The following CTIF variants were observed in gnomAD, a reference collection of about 807,000 sequenced individuals.
CTIF encodes cap binding complex dependent translation initiation factor, also known as CBP80/20-dependent translation initiation factor.
A neutral mutation model predicts 66.0 loss-of-function variants in CTIF; 21 were observed. That is an observed-to-expected ratio of 0.32 (90% CI 0.23 to 0.46). The LOEUF (loss-of-function observed/expected upper bound fraction) is 0.46, where lower values mean the gene tolerates loss of function less well. Among genes scored for constraint, CTIF ranks in the 20% least tolerant of loss-of-function variants. The pLI is 1.00. For synonymous variants in CTIF, 345 were observed against 326.4 expected, an observed-to-expected ratio of 1.06 and a Z score of -0.62; for missense variants, 739 against 812.7, an observed-to-expected ratio of 0.91 and a Z score of 1.10.
At chr18:48,590,402 G>A (rs1371769887) in intron 1 of CTIF, among the ~76,000 whole-genome samples, 5 of 152,236 alleles carry the variant, frequency 3.3e-5, no homozygotes, top group African/African-American at 1.2e-4. Flanking sequence ...GAGGCCTGTG[G>A]GAAAGGGGGC....
At chr18:48,810,842 T>C (rs907374748) in intron 9 of CTIF, among the ~76,000 whole-genome samples, 2 of 152,000 alleles carry the variant, frequency 1.3e-5, no homozygotes, top group Admixed American at 6.5e-5. Flanking sequence ...TATAATTTTA[T>C]TTAATAATTG....
intron 3 of CTIF, among the ~76,000 whole-genome samples, chr18:48,653,303 GC>G (rs1317511937): frequency 1.3e-5 from 2 of 152,118 alleles, no homozygotes; most frequent in African/African-American, 4.8e-5. Flanking sequence ...AAATCAATGT[GC>G]AAAAATCACA....
chr18:48,621,674 G>A, intron 2 of CTIF: 1 of 298,166 alleles, frequency 3.4e-6, no homozygotes, highest in Non-Finnish European at 6.5e-6. Flanking sequence ...GACTGAGCAG[G>A]GGGCCGTGAC....
At chr18:48,713,546 G>A (rs2092250262) in intron 7 of CTIF, among the ~76,000 whole-genome samples, 1 of 152,122 alleles carries the variant, frequency 6.6e-6, no homozygotes. Context: ...ATTCACCAAT[G>A]TCCGGGTTAG....
chr18:48,563,691 T>G (rs2089214521), intron 1 of CTIF, among the ~76,000 whole-genome samples: 1 of 152,244 alleles, frequency 6.6e-6, no homozygotes, highest in African/African-American at 2.4e-5. Flanking sequence ...AGGCTGGTCT[T>G]GAACTCCTAA....
In CTIF at chr18:48,862,079, A is replaced by G. The variant is rs564942927; in HGVS notation, c.*2520A>G. On this transcript the variant is annotated 3_prime_UTR_variant, in exon 12 of 12. Transcript: ENST00000256413. ...TTTTTTTTTAAAGAAACAACAGTCAAGCCTAAAATTTGAGACCCCGAGGCA... is the reference window on the plus strand; with the variant it reads ...TTTTTTTTTAAAGAAACAACAGTCAGGCCTAAAATTTGAGACCCCGAGGCA... 15 of 151,986 alleles carry G rather than the reference A, an allele frequency of 9.9e-5. No individual in the cohort carries two copies. Among genetic ancestry groups the G allele is most frequent in the African/African-American group, 2.4e-4 (10 of 41,342 alleles). The allele number at this position is 151,986 out of a possible 1,614,324, so 9.4% of individuals were successfully genotyped here. A position where few individuals can be genotyped will look rare whatever the true frequency, so the allele number is the denominator to read the frequency against.
chr18:48,855,738 G>A (rs2069313635), intron 10 of CTIF, among the ~76,000 whole-genome samples: 1 of 152,206 alleles, frequency 6.6e-6, no homozygotes, highest in Non-Finnish European at 1.5e-5. Context: ...TCACCTTTGA[G>A]TAAGGCCAGG....
At chr18:48,572,914 G>A (rs1471309485) in intron 1 of CTIF, among the ~76,000 whole-genome samples, 1 of 152,122 alleles carries the variant, frequency 6.6e-6, no homozygotes, top group Non-Finnish European at 1.5e-5. Context: ...GATTAATTGA[G>A]CCCAGGAGGT....
At chr18:48,723,353 A>G (rs1478273329) in intron 7 of CTIF, among the ~76,000 whole-genome samples, 10 of 152,192 alleles carry the variant, frequency 6.6e-5, no homozygotes, top group African/African-American at 2.4e-4. Context: ...GAATGAATGA[A>G]TGAATGAATG....
chr18:48,774,736 C>A (rs939201753), intron 9 of CTIF, among the ~76,000 whole-genome samples: 3 of 152,168 alleles, frequency 2.0e-5, no homozygotes, highest in African/African-American at 7.2e-5. Context: ...GGAGCCAGCA[C>A]GTCACCATGT....
intron 6 of CTIF, among the ~76,000 whole-genome samples, chr18:48,674,525 G>A (rs1268560358): frequency 2.0e-5 from 3 of 152,258 alleles, no homozygotes; most frequent in Non-Finnish European, 4.4e-5. Context: ...TCCACTGGGG[G>A]TCAGATGCTG....
At chr18:48,807,707 G>A (rs887025393) in intron 9 of CTIF, among the ~76,000 whole-genome samples, 7 of 151,688 alleles carry the variant, frequency 4.6e-5, no homozygotes, top group African/African-American at 1.7e-4. Context: ...AGCCTCCTGA[G>A]TAGCTGGGAT....
chr18:48,685,465 C>T (rs902134221), intron 6 of CTIF, among the ~76,000 whole-genome samples: 8 of 151,984 alleles, frequency 5.3e-5, no homozygotes, highest in Non-Finnish European at 7.4e-5. Context: ...TCAGATGATC[C>T]GCCTGCCTCG....
At chr18:48,808,516 CTTTTT>C (rs34004475) in intron 9 of CTIF, among the ~76,000 whole-genome samples, 1 of 135,538 alleles carries the variant, frequency 7.4e-6, no homozygotes, top group African/African-American at 2.7e-5. Context: ...ATTTTTGGTC[CTTTTT>C]TTTTTTTTTT....
chr18:48,576,785 C>T (rs74610145), intron 1 of CTIF, among the ~76,000 whole-genome samples: 1 of 152,356 alleles, frequency 6.6e-6, no homozygotes, highest in Non-Finnish European at 1.5e-5. Context: ...CCTATTTACA[C>T]CGTAATTCCC....
At chr18:48,849,649 G>C (rs1283818519) in intron 10 of CTIF, among the ~76,000 whole-genome samples, 2 of 136,416 alleles carry the variant, frequency 1.5e-5, no homozygotes, top group African/African-American at 5.7e-5. Context: ...GCAGTGGCAC[G>C]ATCTCAGCTC....
At chr18:48,580,719 C>A (rs1330797751) in intron 1 of CTIF, among the ~76,000 whole-genome samples, 1 of 152,198 alleles carries the variant, frequency 6.6e-6, no homozygotes, top group Non-Finnish European at 1.5e-5. Flanking sequence ...CTCTGTCCTG[C>A]CTGTCCCAGT....
chr18:48,807,602 A>G (rs1457594405), intron 9 of CTIF, among the ~76,000 whole-genome samples: 1 of 122,866 alleles, frequency 8.1e-6, no homozygotes, highest in Non-Finnish European at 1.7e-5. Context: ...TTTTTTTGAG[A>G]CAGAGTCTCG....
intron 6 of CTIF, among the ~76,000 whole-genome samples, chr18:48,699,624 G>A (rs943965254): frequency 2.0e-5 from 3 of 152,198 alleles, no homozygotes; most frequent in South Asian, 2.1e-4. Flanking sequence ...GACCACAGAC[G>A]CAAGTGCTTA....
Sources: allele counts gnomAD v4.1 joint callset (sites outside exome capture counted in the v4.1 genomes callset), GRCh38; gene constraint gnomAD v4.1.1; transcripts MANE v1.5; gene names NCBI Gene and HGNC (gene_info 2026-07-23, HGNC 2026-07-21).